The following KIF26B variants were observed in gnomAD, a reference collection of about 807,000 sequenced individuals.
The protein encoded by KIF26B is kinesin-like protein KIF26B.
KIF26B carries 63 observed loss-of-function variants against 151.2 expected under a neutral mutation model. That is an observed-to-expected ratio of 0.42 (90% CI 0.34 to 0.51). The LOEUF is 0.51. Among genes scored for constraint, KIF26B ranks in the 20% least tolerant of loss-of-function variants. The pLI is 0.07. For missense variants in KIF26B, 2,813 were observed against 2,913.6 expected (o/e 0.97, Z 0.79); for synonymous variants, 1,357 against 1,262.1 (o/e 1.08, Z -1.59).
chr1:245,624,165 A>G (rs935009709), intron 9 of KIF26B, among the ~76,000 whole-genome samples: 4 of 152,098 alleles, frequency 2.6e-5, no homozygotes, highest in African/African-American at 9.7e-5. Flanking sequence ...ACCCAGTCTC[A>G]GGTAGTTATT....
At chr1:245,456,675 T>C (rs1659539662) in intron 4 of KIF26B, among the ~76,000 whole-genome samples, 1 of 152,220 alleles carries the variant, frequency 6.6e-6, no homozygotes, top group African/African-American at 2.4e-5. Context: ...TTAAGAACTC[T>C]AGGATTCTAT....
intron 2 of KIF26B, among the ~76,000 whole-genome samples, chr1:245,345,174 G>A (rs1039486757): frequency 6.6e-6 from 1 of 152,124 alleles, no homozygotes; most frequent in Non-Finnish European, 1.5e-5. Flanking sequence ...AGATGCTCAC[G>A]CTGGTTACCT....
intron 4 of KIF26B, among the ~76,000 whole-genome samples, chr1:245,503,811 T>C (rs1660673649): frequency 6.6e-6 from 1 of 152,220 alleles, no homozygotes; most frequent in Non-Finnish European, 1.5e-5. Flanking sequence ...TTCTCTTCTG[T>C]AAGGATCTGG....
chr1:245,261,949 C>T (rs1291133372), intron 2 of KIF26B, among the ~76,000 whole-genome samples: 1 of 152,160 alleles, frequency 6.6e-6, no homozygotes, highest in Non-Finnish European at 1.5e-5. Flanking sequence ...CCGATGGCCC[C>T]TGGATCCAAC....
chr1:245,159,926 T>G (rs1035399666), intron 2 of KIF26B, among the ~76,000 whole-genome samples: 1 of 152,156 alleles, frequency 6.6e-6, no homozygotes, highest in Admixed American at 6.5e-5. Flanking sequence ...TAGTGTTGGC[T>G]GAGGTAGGAA....
chr1:245,197,838 C>T (rs528562690), intron 2 of KIF26B, among the ~76,000 whole-genome samples: 1 of 152,116 alleles, frequency 6.6e-6, no homozygotes, highest in Non-Finnish European at 1.5e-5. Flanking sequence ...AGTTTCACCA[C>T]CCAGGATAAT....
chr1:245,660,903 C>T (rs746539766), intron 10 of KIF26B, among the ~76,000 whole-genome samples: 3 of 151,894 alleles, frequency 2.0e-5, no homozygotes, highest in African/African-American at 7.3e-5. Context: ...GCAGCCTTGA[C>T]CTGCTGGGCT....
At chr1:245,533,763 A>T (rs1225596249) in intron 4 of KIF26B, among the ~76,000 whole-genome samples, 1 of 152,020 alleles carries the variant, frequency 6.6e-6, no homozygotes, top group Non-Finnish European at 1.5e-5. Context: ...CCAGGGTAAT[A>T]GTCTGACAAA....
intron 12 of KIF26B, among the ~76,000 whole-genome samples, chr1:245,695,536 G>T (rs1473996401): frequency 6.6e-6 from 1 of 152,152 alleles, no homozygotes; most frequent in Non-Finnish European, 1.5e-5. Flanking sequence ...CAAGACACTT[G>T]TTCATTCGTG....
chr1:245,636,341 T>A (rs2043833476), intron 9 of KIF26B, among the ~76,000 whole-genome samples: 2 of 120,916 alleles, frequency 1.7e-5, no homozygotes, highest in Non-Finnish European at 3.4e-5. Flanking sequence ...TCATTTCTCA[T>A]TATAGAACGT....
At chr1:245,341,115 G>A (rs1296501378) in intron 2 of KIF26B, among the ~76,000 whole-genome samples, 1 of 152,032 alleles carries the variant, frequency 6.6e-6, no homozygotes, top group African/African-American at 2.4e-5. Context: ...AGTCTATACT[G>A]AAGCCAGATG....
intron 2 of KIF26B, among the ~76,000 whole-genome samples, chr1:245,205,840 C>A (rs1669394440): frequency 6.7e-6 from 1 of 148,558 alleles, no homozygotes. Context: ...TCTCCCCCAC[C>A]CCCACCCACA....
At position 245,685,765 on chromosome 1, in the gene KIF26B, G is replaced by A. The variant is rs749077910; in HGVS notation, c.2782G>A (p.Glu928Lys). The change falls in exon 12 of 15, where the codon GAG (glutamate) becomes AAG (lysine). Residue 928 changes from glutamate (E) to lysine (K), a missense_variant. Physicochemically the swap from Glu to Lys is moderately conservative, Grantham distance 56. This residue lies in a region of KIF26B where 2,060 missense variants were observed against 2,088.6 expected (regional missense o/e 0.99). Coordinates refer to ENST00000407071, the MANE Select transcript of KIF26B (RefSeq NM_018012.4). ...CTGCCTGAAGTGCAACACGTTTGCC[G>A]AGCTGCAGGAGAGGCTGGACTGCAT... ...RDCLKCNTFA[E>K]LQERLDCIDG... 1.9e-5 allele frequency: 30 copies of A among 1,612,236 alleles called. No individual in the cohort carries two copies. Among genetic ancestry groups the A allele is most frequent in the Non-Finnish European group, 2.3e-5 (27 of 1,179,334 alleles).
chr1:245,481,809 A>G (rs758249365), intron 4 of KIF26B, among the ~76,000 whole-genome samples: 11 of 151,702 alleles, frequency 7.3e-5, no homozygotes, highest in Admixed American at 6.6e-5. Flanking sequence ...TGGGCTGGGA[A>G]TCTCACCCAC....
At chr1:245,478,657 C>T (rs193302736) in intron 4 of KIF26B, among the ~76,000 whole-genome samples, 23 of 151,730 alleles carry the variant, frequency 1.5e-4, no homozygotes, top group African/African-American at 4.8e-4. Context: ...ACTTGTGGTC[C>T]ACCCGTATCG....
chr1:245,587,505 C>T (rs933004212), intron 5 of KIF26B, among the ~76,000 whole-genome samples: 6 of 152,140 alleles, frequency 3.9e-5, no homozygotes, highest in African/African-American at 1.2e-4. Flanking sequence ...GGCCAGGAGT[C>T]CGGGAGAGCT....
chr1:245,365,797 G>T (rs886979927), intron 2 of KIF26B, among the ~76,000 whole-genome samples: 1 of 152,144 alleles, frequency 6.6e-6, no homozygotes, highest in Non-Finnish European at 1.5e-5. Flanking sequence ...AGGCCATGGC[G>T]CTGTGGACAG....
chr1:245,341,465 A>C (rs1263655741), intron 2 of KIF26B, among the ~76,000 whole-genome samples: 2 of 151,922 alleles, frequency 1.3e-5, no homozygotes, highest in African/African-American at 4.8e-5. Flanking sequence ...GGCTACAGGC[A>C]CACACCACCA....
At position 245,396,357 on chromosome 1, in the gene KIF26B, T is replaced by C. The variant is rs533817316; in HGVS notation, c.1000-23222T>C. On this transcript the variant is annotated intron_variant, in intron 3 of 14. Coordinates refer to ENST00000407071, the MANE Select transcript of KIF26B (RefSeq NM_018012.4). ...AATAAAATTAAAATACCAAATAAAA[T>C]ATGTATGCATTGGGACAACATCAAC... Among the ~76,000 whole-genome samples, 10 of 152,236 alleles carry C rather than the reference T, an allele frequency of 6.6e-5. No individual in the cohort carries two copies. The South Asian group carries it at 1.7e-3, about 25-fold the overall frequency.
Sources: gnomAD v4.1 joint callset for allele counts (sites outside exome capture counted in the v4.1 genomes callset) on GRCh38, gnomAD v4.1.1 for gene constraint, gnomAD v4.1.1 regional missense constraint, MANE v1.5 for transcripts, NCBI Gene and HGNC (gene_info 2026-07-23, HGNC 2026-07-21) for gene names.